Variants in DPP6 observed in about 807,000 individuals in gnomAD.
The protein encoded by DPP6 is A-type potassium channel modulatory protein DPP6.
DPP6 carries 69 observed loss-of-function variants against 122.6 expected under a neutral mutation model. That is an observed-to-expected ratio of 0.56 (90% CI 0.46 to 0.69). The LOEUF (loss-of-function observed/expected upper bound fraction) is 0.69. DPP6 is among the 30% of genes least tolerant of loss of function. DPP6 has a pLI of 0.00. For missense variants in DPP6, 928 were observed against 1,116.9 expected (o/e 0.83, Z 2.41); for synonymous variants, 418 against 433.1 (o/e 0.97, Z 0.43).
intron 8 of DPP6, among the ~76,000 whole-genome samples, chr7:154,748,467 C>T (rs975870797): frequency 7.9e-5 from 12 of 152,218 alleles, no homozygotes; most frequent in African/African-American, 2.7e-4. Context: ...AGAGCCAGAG[C>T]GAAGTGGAAC....
At chr7:154,375,786 A>G (rs574665625) in intron 1 of DPP6, among the ~76,000 whole-genome samples, 4 of 152,188 alleles carry the variant, frequency 2.6e-5, no homozygotes, top group South Asian at 2.1e-4. Flanking sequence ...GAGCAGACCA[A>G]CGCAAGCCTT....
At chr7:154,551,524 AT>A (rs1186945060) in intron 4 of DPP6, among the ~76,000 whole-genome samples, 1 of 152,156 alleles carries the variant, frequency 6.6e-6, no homozygotes, top group Non-Finnish European at 1.5e-5. Context: ...GGCTGAATCT[AT>A]TTTACCAATG....
intron 1 of DPP6, among the ~76,000 whole-genome samples, chr7:154,310,231 T>C (rs1283926964): frequency 1.3e-5 from 2 of 152,038 alleles, no homozygotes; most frequent in African/African-American, 4.8e-5. Context: ...TTAGCTGGTG[T>C]GGTGCTATCC....
intron 1 of DPP6, among the ~76,000 whole-genome samples, chr7:154,424,869 C>T (rs1207158139): frequency 6.6e-6 from 1 of 152,228 alleles, no homozygotes; most frequent in Non-Finnish European, 1.5e-5. Context: ...TAGGTAACCT[C>T]TGCCATCTCT....
At chr7:154,546,173 CA>C (rs150243014) in intron 4 of DPP6, among the ~76,000 whole-genome samples, 7,182 of 151,760 alleles carry the variant, frequency 0.047, 532 homozygotes, top group African/African-American at 0.15. Flanking sequence ...TGTAGCGATA[CA>C]AAAAATATTT....
intron 1 of DPP6, among the ~76,000 whole-genome samples, chr7:154,211,961 G>A (rs560658768): frequency 8.2e-4 from 108 of 131,224 alleles, no homozygotes; most frequent in African/African-American, 2.7e-3. Context: ...TCCTCCTGTG[G>A]GCTTGTCACA....
rs71184038 is a variant in DPP6 at position 154,821,628 on chromosome 7, G to GTATATATATATATA, written c.1666+14521_1666+14534dup. ...ATATATATATATATATTTTTTTTCTGTATATATATATATATATACACATAT... is the reference window on the plus strand; with the variant it reads ...ATATATATATATATATTTTTTTTCTGTATATATATATATATATATATATATATATATACACATAT... On this transcript the variant is annotated intron_variant, in intron 16 of 25. Transcript: ENST00000377770. This position sits in a 1 kb window ranked among gnomAD's most constrained non-coding sequence, Gnocchi z 4.2. Among the ~76,000 whole-genome samples the GTATATATATATATA allele has an allele frequency of 1.9e-4, 13 of 68,368 alleles. No individual in the cohort carries two copies. The highest frequency in any genetic ancestry group is 7.1e-4 in the African/African-American group (13 of 18,428). The allele number at this position is 68,368 out of a possible 152,430, so 44.9% of individuals were successfully genotyped here.
chr7:154,078,346 A>T lies in DPP6; in HGVS notation c.243+25283A>T, dbSNP rs1803718472. Among the ~76,000 whole-genome samples the T allele has an allele frequency of 5.1e-5, 4 of 79,106 alleles. No homozygotes were observed. In the Admixed American group the frequency reaches 6.4e-4, roughly 13 times the overall value. 51.9% of individuals were successfully genotyped at this position (79,106 alleles called of 152,430 possible). A position where few individuals can be genotyped will look rare whatever the true frequency, so the allele number is the denominator to read the frequency against. ...TATTACGACTTTCAAACTTCAGTGC[A>T]TATGTACACACACACACACACACAC... On this transcript the variant is annotated intron_variant, in intron 1 of 25. Coordinates refer to ENST00000377770, the MANE Select transcript of DPP6 (RefSeq NM_130797.4).
the DPP6 span, among the ~76,000 whole-genome samples, chr7:153,878,568 G>C: frequency 5.6e-4 from 85 of 152,214 alleles, 1 homozygote; most frequent in Non-Finnish European, 1.9e-4. Flanking sequence ...AGTCTCCCCA[G>C]CTAACTAGCG....
chr7:154,652,846 C>T (rs1361667409), intron 6 of DPP6, among the ~76,000 whole-genome samples: 1 of 150,998 alleles, frequency 6.6e-6, no homozygotes, highest in Admixed American at 6.6e-5. Flanking sequence ...CTCCCTGAGT[C>T]GGAGCTGATA....
chr7:154,016,716 G>A (rs1422134185), intron 1 of DPP6, among the ~76,000 whole-genome samples: 12 of 152,172 alleles, frequency 7.9e-5, no homozygotes, highest in Non-Finnish European at 1.8e-4. Context: ...TTTAGATTTT[G>A]GGGGAACTTT....
chr7:154,282,156 A>G lies in DPP6; in HGVS notation c.244-164058A>G, dbSNP rs953083395. ...GCACAGTGCCTGGCATGTTCTAACC[A>G]TCTATAATTTTATTCTTTTTTCCCC... On this transcript the variant is annotated intron_variant, in intron 1 of 25. Coordinates refer to ENST00000377770, the MANE Select transcript of DPP6 (RefSeq NM_130797.4). The surrounding 1 kb of genome is among the most constrained non-coding windows in gnomAD (Gnocchi z 4.8). Among the ~76,000 whole-genome samples, 17 of 152,046 alleles carry G rather than the reference A, an allele frequency of 1.1e-4. No individual in the cohort carries two copies. The highest frequency in any genetic ancestry group is 3.2e-3 in the Middle Eastern group (1 of 316).
At chr7:154,135,318 C>A (rs530114445) in intron 1 of DPP6, among the ~76,000 whole-genome samples, 2 of 152,192 alleles carry the variant, frequency 1.3e-5, no homozygotes, top group South Asian at 4.1e-4. Flanking sequence ...TATCTATGCA[C>A]TTCCTATAAG....
chr7:154,376,439 A>T (rs1189970520), intron 1 of DPP6, among the ~76,000 whole-genome samples: 2 of 152,188 alleles, frequency 1.3e-5, no homozygotes. Context: ...AGAAATACAT[A>T]GTCTCTCAGT....
At chr7:154,360,532 G>A (rs568759397) in intron 1 of DPP6, among the ~76,000 whole-genome samples, 17 of 152,190 alleles carry the variant, frequency 1.1e-4, no homozygotes, top group Non-Finnish European at 1.6e-4. Context: ...TTGTGAATGC[G>A]TGTGTTGCTA....
At position 154,156,765 on chromosome 7, in the gene DPP6, ATAGG is replaced by A. The variant is rs533660351; in HGVS notation, c.243+103726_243+103729del. Among the ~76,000 whole-genome samples, 1,082 of 152,162 alleles carry A rather than the reference ATAGG, an allele frequency of 7.1e-3. 11 individuals are homozygous for A. Among genetic ancestry groups the A allele is most frequent in the African/African-American group, 0.02 (812 of 41,486 alleles). On this transcript the variant is annotated intron_variant, in intron 1 of 25. Coordinates refer to ENST00000377770, the MANE Select transcript of DPP6 (RefSeq NM_130797.4). ...GACCTTGAATTTAATGGAGGTATAGATAGGTAGGTAGGTAGGTAGGTAGGTAGAT... is the reference window on the plus strand; with the variant it reads ...GACCTTGAATTTAATGGAGGTATAGATAGGTAGGTAGGTAGGTAGGTAGAT...
At chr7:153,875,803 G>A in the DPP6 span, among the ~76,000 whole-genome samples, 2 of 151,762 alleles carry the variant, frequency 1.3e-5, no homozygotes, top group Non-Finnish European at 2.9e-5. Flanking sequence ...GAATGCCAAT[G>A]TGTCAGTGAT....
At chr7:154,108,990 A>G (rs1298356012) in intron 1 of DPP6, among the ~76,000 whole-genome samples, 4 of 151,772 alleles carry the variant, frequency 2.6e-5, no homozygotes, top group African/African-American at 4.8e-5. Flanking sequence ...AGTGGCACAT[A>G]TGCAGGTTTG....
At chr7:154,639,935 A>G (rs1310760602) in intron 6 of DPP6, among the ~76,000 whole-genome samples, 1 of 152,150 alleles carries the variant, frequency 6.6e-6, no homozygotes, top group East Asian at 1.9e-4. Context: ...CTTGAGTCTC[A>G]GCGTAAGTCA....
Sources: allele counts gnomAD v4.1 joint callset (sites outside exome capture counted in the v4.1 genomes callset), GRCh38; gene constraint gnomAD v4.1.1; non-coding constraint Gnocchi (gnomAD v3.1); transcripts MANE v1.5; gene names NCBI Gene and HGNC (gene_info 2026-07-23, HGNC 2026-07-21).